The following HERC4 variants were observed in gnomAD, a reference collection of about 807,000 sequenced individuals.
The protein encoded by HERC4 is probable E3 ubiquitin-protein ligase HERC4.
HERC4 carries 28 observed loss-of-function variants against 124.3 expected under a neutral mutation model. That is an observed-to-expected ratio of 0.23 (90% CI 0.17 to 0.31). HERC4 has a LOEUF of 0.31. HERC4 is among the 10% of genes least tolerant of loss of function. The probability of loss-of-function intolerance (pLI) is 1.00; values close to 1 mark genes in which losing one functional copy is unlikely to be tolerated. For missense variants in HERC4, 713 were observed against 1,229.3 expected (o/e 0.58, Z 6.28); for synonymous variants, 407 against 421.5 (o/e 0.97, Z 0.42).
At chr10:68,064,225 C>T (rs2041181657) in intron 3 of HERC4, among the ~76,000 whole-genome samples, 1 of 151,244 alleles carries the variant, frequency 6.6e-6, no homozygotes, top group Admixed American at 6.6e-5. Flanking sequence ...GGCGACAGAA[C>T]AAAACCCTGT....
chr10:67,940,718 T>G (rs2032809934), intron 20 of HERC4, among the ~76,000 whole-genome samples: 1 of 152,204 alleles, frequency 6.6e-6, no homozygotes. Context: ...ATGCTAGGAT[T>G]ACAGGTGTGG....
chr10:67,953,873 TAG>T (rs1405538014), intron 19 of HERC4, among the ~76,000 whole-genome samples: 1 of 152,154 alleles, frequency 6.6e-6, no homozygotes, highest in Non-Finnish European at 1.5e-5. Flanking sequence ...CCTGATGAAT[TAG>T]AGTCTAGGCA....
intron 23 of HERC4, among the ~76,000 whole-genome samples, chr10:67,930,928 C>T (rs1044040211): frequency 3.3e-5 from 5 of 152,114 alleles, no homozygotes; most frequent in Non-Finnish European, 7.3e-5. Context: ...GATCTGCCTG[C>T]CTCAGCCTCC....
At chr10:67,991,101 A>C in intron 12 of HERC4, 39 bp downstream of exon 12, 1 of 1,439,836 alleles carries the variant, frequency 6.9e-7, no homozygotes, top group East Asian at 2.4e-5. Flanking sequence ...TAAGACAATA[A>C]ATTTGAAAAT....
intron 3 of HERC4, among the ~76,000 whole-genome samples, chr10:68,045,321 T>A (rs561886817): frequency 2.0e-5 from 3 of 152,238 alleles, no homozygotes; most frequent in African/African-American, 7.2e-5. Context: ...AGCCAGACCG[T>A]GTCTCAAGAT....
intron 19 of HERC4, among the ~76,000 whole-genome samples, chr10:67,952,170 C>T (rs2033838007): frequency 6.6e-6 from 1 of 152,182 alleles, no homozygotes; most frequent in Non-Finnish European, 1.5e-5. Context: ...AGCTGAAATT[C>T]CATAATCCCT....
chr10:67,996,818 A>AAAAAT (rs996706052), intron 9 of HERC4, among the ~76,000 whole-genome samples: 5 of 151,888 alleles, frequency 3.3e-5, no homozygotes, highest in Admixed American at 6.6e-5. Flanking sequence ...CTAAAAATAA[A>AAAAAT]AAAATAAAAT....
intron 9 of HERC4, among the ~76,000 whole-genome samples, chr10:68,004,603 G>A (rs1220775846): frequency 6.6e-6 from 1 of 152,140 alleles, no homozygotes; most frequent in Non-Finnish European, 1.5e-5. Context: ...TTTTCATGCT[G>A]CTATAAAAAA....
intron 17 of HERC4, chr10:67,955,624 A>C (rs1384387335): frequency 6.6e-6 from 1 of 152,664 alleles, no homozygotes; most frequent in East Asian, 1.9e-4. Context: ...ATGCAAAATT[A>C]GCAGGGCGTG....
At chr10:67,975,714 T>C (rs114875049) in intron 15 of HERC4, among the ~76,000 whole-genome samples, 2,516 of 152,326 alleles carry the variant, frequency 0.017, 76 homozygotes, top group African/African-American at 0.057. Flanking sequence ...CTTAGCATTG[T>C]ACAAATAATC....
At chr10:68,052,211 G>T (rs2040350850) in intron 3 of HERC4, among the ~76,000 whole-genome samples, 1 of 152,150 alleles carries the variant, frequency 6.6e-6, no homozygotes, top group African/African-American at 2.4e-5. Flanking sequence ...TATCCACTTT[G>T]TAGATAACGA....
chr10:67,995,174 T>C (rs2036791778), intron 9 of HERC4: 4 of 436,864 alleles, frequency 9.2e-6, no homozygotes, highest in South Asian at 6.7e-5. Flanking sequence ...TTTGGTTATT[T>C]CAGTAAAACT....
At position 67,986,837 on chromosome 10, in the gene HERC4, CTATAA is replaced by C. The variant is rs1246513473; in HGVS notation, c.1806+1821_1806+1825del. Among the ~76,000 whole-genome samples the C allele has an allele frequency of 5.9e-5, 9 of 152,092 alleles. No individual in the cohort carries two copies. The East Asian group carries it at 9.7e-4, about 16-fold the overall frequency. On this transcript the variant is annotated intron_variant, in intron 15 of 24. Coordinates refer to ENST00000373700, the MANE Select transcript of HERC4 (RefSeq NM_015601.4). ...ATCTTTTTGATTCCTAGTCCAGCGC[CTATAA>C]TATAATACTATATGTGATCTAGAAT... is the stretch of plus-strand genomic sequence containing the variant.
At chr10:67,964,263 G>A (rs565362941) in intron 16 of HERC4, among the ~76,000 whole-genome samples, 11 of 152,006 alleles carry the variant, frequency 7.2e-5, no homozygotes, top group African/African-American at 2.4e-4. Flanking sequence ...TCAATTCTAA[G>A]GTTTCATCCT....
intron 4 of HERC4, chr10:68,040,588 T>C: frequency 2.5e-6 from 1 of 396,050 alleles, no homozygotes; most frequent in Non-Finnish European, 3.4e-6. Context: ...TCAAATACAC[T>C]GAACAGAAAA....
At chr10:67,986,201 C>T (rs2036250185) in intron 15 of HERC4, among the ~76,000 whole-genome samples, 1 of 152,168 alleles carries the variant, frequency 6.6e-6, no homozygotes, top group Non-Finnish European at 1.5e-5. Flanking sequence ...ATACCAGTAT[C>T]ATCCTGCTTT....
At chr10:68,020,016 C>A (rs1258276659) in intron 8 of HERC4, among the ~76,000 whole-genome samples, 1 of 152,106 alleles carries the variant, frequency 6.6e-6, no homozygotes, top group Admixed American at 6.5e-5. Flanking sequence ...TTTGGGGAGC[C>A]AGGCATTTAA....
Position 68,044,384 on chromosome 10 carries a change from T to C in HERC4, c.386+20A>G, listed in dbSNP as rs1441260408. 1.9e-6 allele frequency: 3 copies of C among 1,596,122 alleles called. No individual in the cohort carries two copies. In the Admixed American group the frequency reaches 5.5e-5, roughly 29 times the overall value. ...ATTTTAAAAGATTGTTAAGGACCTC[T>C]TTCTGGTCACCTTTGTTACCTGGGT... On this transcript the variant is annotated intron_variant, in intron 4 of 24. Transcript: ENST00000373700.
Position 68,051,691 on chromosome 10 carries a change from CTTTTTT to C in HERC4, c.227-7134_227-7129del, listed in dbSNP as rs779623868. On this transcript the variant is annotated intron_variant, in intron 3 of 24. Transcript: ENST00000373700. ...ACACTATTCTTTCAACTTTTCTTTT[CTTTTTT>C]TTTTTTTTTTGAGACAGGATCTCAC... is the stretch of plus-strand genomic sequence containing the variant. Among the ~76,000 whole-genome samples, 3 of 109,620 alleles carry C rather than the reference CTTTTTT, an allele frequency of 2.7e-5. No homozygotes were observed. In the Admixed American group the frequency reaches 2.8e-4, roughly 10 times the overall value. The allele number at this position is 109,620 out of a possible 152,430, so 71.9% of individuals were successfully genotyped here.
Sources: allele counts gnomAD v4.1 joint callset (sites outside exome capture counted in the v4.1 genomes callset), GRCh38; gene constraint gnomAD v4.1.1; transcripts MANE v1.5; gene names NCBI Gene and HGNC (gene_info 2026-07-23, HGNC 2026-07-21).